Variants in FGD4 observed in about 807,000 individuals in gnomAD.
FGD4 encodes the protein FYVE, RhoGEF and PH domain containing 4.
Under a neutral mutation model 102.0 loss-of-function variants are expected in FGD4, and 42 were observed. The observed-to-expected ratio is 0.41, with a 90% CI of 0.32 to 0.53. FGD4 has a LOEUF of 0.53. Ranked by LOEUF, FGD4 falls within the 20% of genes least tolerant of loss-of-function variation. The pLI is 0.21. For synonymous variants in FGD4, 380 were observed against 375.7 expected, an observed-to-expected ratio of 1.01 and a Z score of -0.13; for missense variants, 902 against 1,078.2, an observed-to-expected ratio of 0.84 and a Z score of 2.29.
intron 1 of FGD4, among the ~76,000 whole-genome samples, chr12:32,498,735 T>C (rs1160310144): frequency 6.6e-6 from 1 of 152,100 alleles, no homozygotes; most frequent in African/African-American, 2.4e-5. Context: ...TCCCAAATAC[T>C]TGGACCACAG....
intron 10 of FGD4, among the ~76,000 whole-genome samples, chr12:32,619,100 T>C (rs1195748738): frequency 6.6e-6 from 1 of 152,246 alleles, no homozygotes; most frequent in East Asian, 1.9e-4. Flanking sequence ...TAGTAATTTG[T>C]TGTGAATTTA....
chr12:32,460,160 AT>A (rs1450072127), intron 1 of FGD4, among the ~76,000 whole-genome samples: 2 of 152,324 alleles, frequency 1.3e-5, no homozygotes, highest in East Asian at 3.9e-4. Flanking sequence ...ATTAACTAGT[AT>A]TGTGAAGCCA....
chr12:32,532,561 CAT>C (rs963734620), intron 1 of FGD4, among the ~76,000 whole-genome samples: 5 of 151,666 alleles, frequency 3.3e-5, no homozygotes, highest in African/African-American at 9.7e-5. Flanking sequence ...GCAGAGAGCA[CAT>C]GTTAGCTTTT....
At chr12:32,627,143 G>A (rs531937341) in intron 14 of FGD4, among the ~76,000 whole-genome samples, 342 of 146,922 alleles carry the variant, frequency 2.3e-3, no homozygotes, top group South Asian at 4.3e-3. Context: ...CACCACGTCC[G>A]GCTAAATACA....
intron 1 of FGD4, among the ~76,000 whole-genome samples, chr12:32,549,196 A>G (rs1448468170): frequency 6.6e-6 from 1 of 152,214 alleles, no homozygotes; most frequent in Non-Finnish European, 1.5e-5. Context: ...AAGCTTTAAA[A>G]TTGGGCAAAT....
intron 1 of FGD4, among the ~76,000 whole-genome samples, chr12:32,498,387 G>A (rs1015457663): frequency 3.9e-5 from 6 of 152,124 alleles, no homozygotes; most frequent in Non-Finnish European, 8.8e-5. Context: ...GTGATAACAA[G>A]CTGGTGAAAA....
chr12:32,625,013 A>C lies in FGD4; in HGVS notation c.1991A>C (p.His664Pro). 6.2e-7 allele frequency: 1 copy of C among 1,613,534 alleles called. No homozygotes were observed. Among genetic ancestry groups the C allele is most frequent in the South Asian group, 1.1e-5 (1 of 91,068 alleles). ...QETIDAFHQRHETFRNAIAKD... is the reference protein window; with the variant it reads ...QETIDAFHQRPETFRNAIAKD... ...ACCATCGATGCTTTTCATCAAAGGC[A>C]TGAAACCTTCAGAAATGCAATTGCA... is the stretch of plus-strand genomic sequence containing the variant. Residue 664 changes from histidine to proline, a missense_variant, in exon 13 of 17, where the codon CAT (histidine) becomes CCT (proline). By Grantham distance (77) the His-to-Pro change is moderately conservative. Around this residue, in one of 2 missense-constraint regions of FGD4, gnomAD observed 459 missense variants for 619.0 expected, o/e 0.74. Coordinates refer to ENST00000534526, the MANE Select transcript of FGD4 (RefSeq NM_001370298.3).
At chr12:32,524,924 TA>T (rs1177592668) in intron 1 of FGD4, among the ~76,000 whole-genome samples, 2 of 152,206 alleles carry the variant, frequency 1.3e-5, no homozygotes, top group East Asian at 3.8e-4. Context: ...ATACAAAATT[TA>T]AACAATGAGG....
intron 4 of FGD4, among the ~76,000 whole-genome samples, chr12:32,585,353 A>T (rs1274044593): frequency 6.6e-6 from 1 of 151,164 alleles, no homozygotes; most frequent in African/African-American, 2.4e-5. Flanking sequence ...TAGGTTCATA[A>T]TATAAGAAAG....
Position 32,625,724 on chromosome 12 carries a change from A to G in FGD4, c.2117A>G (p.Lys706Arg), listed in dbSNP as rs1950119263. The G allele has an allele frequency of 1.9e-6, 3 of 1,614,076 alleles. No homozygotes were observed. The highest frequency in any genetic ancestry group is 2.2e-5 in the South Asian group (2 of 91,080). The change falls in exon 14 of 17, where the codon AAA becomes AGA. Residue 706 changes from lysine (K) to arginine (R), a missense_variant. Lys to Arg is a conservative substitution (Grantham distance 26). This residue lies in a region of FGD4 where 459 missense variants were observed against 619.0 expected (regional missense o/e 0.74). Transcript: ENST00000534526. ...DNEVTMCMKC[K>R]EPFNALTRRR... ...GAAGTGACAATGTGTATGAAATGTA[A>G]AGAACCTTTCAATGCACTGACACGA...
chr12:32,469,106 A>G (rs1943346011), intron 1 of FGD4, among the ~76,000 whole-genome samples: 1 of 151,958 alleles, frequency 6.6e-6, no homozygotes. Context: ...GGTTATAGGC[A>G]TGAGCCATTG....
intron 1 of FGD4, among the ~76,000 whole-genome samples, chr12:32,519,490 C>T (rs1030843905): frequency 6.6e-6 from 1 of 152,074 alleles, no homozygotes; most frequent in Non-Finnish European, 1.5e-5. Flanking sequence ...ATCTTTTTAA[C>T]TGTCTTTTAA....
chr12:32,524,746 G>C (rs1008214186), intron 1 of FGD4, among the ~76,000 whole-genome samples: 2 of 151,900 alleles, frequency 1.3e-5, no homozygotes, highest in Non-Finnish European at 2.9e-5. Flanking sequence ...GATTGCTTGA[G>C]CATGGGAGGT....
At chr12:32,517,753 G>C (rs2136710107) in intron 1 of FGD4, among the ~76,000 whole-genome samples, 1 of 152,200 alleles carries the variant, frequency 6.6e-6, no homozygotes, top group East Asian at 1.9e-4. Flanking sequence ...TGGCATGGTG[G>C]CATGTGCCTG....
chr12:32,495,591 G>A (rs1444495671), intron 1 of FGD4, among the ~76,000 whole-genome samples: 2 of 151,582 alleles, frequency 1.3e-5, no homozygotes, highest in African/African-American at 4.9e-5. Context: ...AGCTACTTGG[G>A]AGGCTGAGGC....
rs931889952 is a variant in FGD4 at position 32,399,872 on chromosome 12, G to T, written c.79G>T (p.Val27Leu). ...KSNPSYLPPG[V>L]PRPWSRPASH... is the part of the protein sequence containing the mutation. The stretch of plus-strand genomic sequence containing the variant: ...CAACCCCTCCTACCTGCCGCCCGGG[G>T]TGCCCCGGCCCTGGAGCAGGCCCGC... Residue 27 changes from valine (V) to leucine (L), a missense_variant, in exon 1 of 17, where the codon GTG becomes TTG. This residue lies in a region of FGD4 where 443 missense variants were observed against 459.2 expected (regional missense o/e 0.96). Coordinates refer to ENST00000534526, the MANE Select transcript of FGD4 (RefSeq NM_001370298.3). 4 of 1,530,998 alleles carry T rather than the reference G, an allele frequency of 2.6e-6. No individual in the cohort carries two copies. The highest frequency in any genetic ancestry group is 3.5e-6 in the Non-Finnish European group (4 of 1,145,140). 94.8% of individuals were successfully genotyped at this position (1,530,998 alleles called of 1,614,324 possible). A position where few individuals can be genotyped will look rare whatever the true frequency, so the allele number is the denominator to read the frequency against.
intron 1 of FGD4, among the ~76,000 whole-genome samples, chr12:32,557,462 C>G (rs1944215180): frequency 6.6e-6 from 1 of 152,062 alleles, no homozygotes; most frequent in Non-Finnish European, 1.5e-5. Flanking sequence ...TTGGAGACCT[C>G]TCAATTATTT....
intron 1 of FGD4, among the ~76,000 whole-genome samples, chr12:32,468,628 G>A (rs567297990): frequency 6.1e-4 from 93 of 152,264 alleles, no homozygotes; most frequent in Non-Finnish European, 1.1e-3. Flanking sequence ...TGTAAACCCA[G>A]CACTTTGGGA....
intron 1 of FGD4, among the ~76,000 whole-genome samples, chr12:32,471,421 C>T (rs1591964952): frequency 6.6e-6 from 1 of 152,168 alleles, no homozygotes; most frequent in East Asian, 1.9e-4. Flanking sequence ...GTAGAAAAGC[C>T]TCCTGAGACT....
Sources: gnomAD v4.1 joint callset for allele counts (sites outside exome capture counted in the v4.1 genomes callset) on GRCh38, gnomAD v4.1.1 for gene constraint, gnomAD v4.1.1 regional missense constraint, MANE v1.5 for transcripts, NCBI Gene and HGNC (gene_info 2026-07-23, HGNC 2026-07-21) for gene names.